PTPRD: variants seen among roughly 807,000 people sequenced by gnomAD.
The protein encoded by PTPRD is protein tyrosine phosphatase receptor type D, also known as receptor-type tyrosine-protein phosphatase delta.
A neutral mutation model predicts 214.5 loss-of-function variants in PTPRD; 34 were observed. The ratio of observed to expected loss-of-function variants is 0.16; its 90% confidence interval spans 0.12 to 0.21. PTPRD has a LOEUF of 0.21. Ranked by LOEUF, PTPRD falls within the 10% of genes least tolerant of loss-of-function variation. The probability of loss-of-function intolerance (pLI) is 1.00; values close to 1 mark genes in which losing one functional copy is unlikely to be tolerated. For synonymous variants in PTPRD, 1,128 were observed against 845.7 expected (o/e 1.33, Z -5.79); for missense variants, 2,545 against 2,398.7 (o/e 1.06, Z -1.27).
chr9:8,343,160 A>C (rs1854149943), intron 39 of PTPRD, among the ~76,000 whole-genome samples: 1 of 151,890 alleles, frequency 6.6e-6, no homozygotes, highest in South Asian at 2.1e-4. Flanking sequence ...TTTTTTTTTT[A>C]AACAAAATAA....
At chr9:9,730,455 C>A (rs772950681) in intron 7 of PTPRD, among the ~76,000 whole-genome samples, 1 of 152,062 alleles carries the variant, frequency 6.6e-6, no homozygotes, top group Non-Finnish European at 1.5e-5. Flanking sequence ...TATGTATACA[C>A]AGATCCAAAA....
At chr9:8,578,495 G>A (rs1418264718) in intron 14 of PTPRD, among the ~76,000 whole-genome samples, 1 of 152,094 alleles carries the variant, frequency 6.6e-6, no homozygotes, top group Non-Finnish European at 1.5e-5. Context: ...GCAAACACGT[G>A]AAACAAAAAC....
intron 3 of PTPRD, among the ~76,000 whole-genome samples, chr9:10,103,881 A>G (rs1172038816): frequency 6.6e-6 from 1 of 151,768 alleles, no homozygotes; most frequent in Non-Finnish European, 1.5e-5. Flanking sequence ...CATTCTTCAC[A>G]ATAGCCAAGA....
rs543737300 is a variant in PTPRD, at chr9:9,096,929, G to T, written c.-142-78194C>A. Among the ~76,000 whole-genome samples the T allele has an allele frequency of 6.6e-5, 10 of 152,250 alleles. No homozygotes were observed. The East Asian group carries it at 1.5e-3, about 24-fold the overall frequency. On this transcript the variant is annotated intron_variant, in intron 10 of 45. Coordinates refer to ENST00000381196, the MANE Select transcript of PTPRD (RefSeq NM_002839.4). ...CACCAAGGACCTCCCAAATGCTGAAGTCACTGCTTTTATCTCCCCTACCCC... is the reference window on the plus strand; with the variant it reads ...CACCAAGGACCTCCCAAATGCTGAATTCACTGCTTTTATCTCCCCTACCCC...
chr9:9,712,701 T>C (rs974332189), intron 7 of PTPRD, among the ~76,000 whole-genome samples: 2 of 152,212 alleles, frequency 1.3e-5, no homozygotes, highest in Non-Finnish European at 2.9e-5. Context: ...AAAGTTCTCT[T>C]AGTTTATCCA....
At chr9:8,606,999 A>T (rs995648385) in intron 14 of PTPRD, among the ~76,000 whole-genome samples, 5 of 152,188 alleles carry the variant, frequency 3.3e-5, no homozygotes, top group African/African-American at 1.2e-4. Context: ...GCAGACACAT[A>T]AATCAATGGT....
intron 3 of PTPRD, among the ~76,000 whole-genome samples, chr9:10,181,760 C>CT (rs779081915): frequency 6.7e-6 from 1 of 150,094 alleles, no homozygotes; most frequent in African/African-American, 2.4e-5. Context: ...AAAATTTTCT[C>CT]ATTACATGGA....
chr9:8,652,548 C>G (rs372849671), intron 12 of PTPRD, among the ~76,000 whole-genome samples: 1 of 152,194 alleles, frequency 6.6e-6, no homozygotes, highest in South Asian at 2.1e-4. Flanking sequence ...GCTGCACTGA[C>G]CAGGTTATGC....
chr9:8,954,131 A>T (rs187116274), intron 11 of PTPRD, among the ~76,000 whole-genome samples: 1 of 152,058 alleles, frequency 6.6e-6, no homozygotes, highest in African/African-American at 2.4e-5. Context: ...AAGAAAATGC[A>T]GTACATATAT....
intron 32 of PTPRD, 100 bp from the exon 33 acceptor site, chr9:8,460,671 T>A: frequency 8.4e-7 from 1 of 1,192,394 alleles, no homozygotes; most frequent in Non-Finnish European, 1.2e-6. Context: ...ATAGTGGATT[T>A]AATGATAAGT....
intron 2 of PTPRD, among the ~76,000 whole-genome samples, chr9:10,358,178 G>C (rs894180427): frequency 6.6e-6 from 1 of 151,978 alleles, no homozygotes. Flanking sequence ...ATGTATCTAT[G>C]AAAAATAGCA....
intron 11 of PTPRD, among the ~76,000 whole-genome samples, chr9:8,819,454 G>A (rs1836227): frequency 6.6e-6 from 1 of 151,852 alleles, no homozygotes; most frequent in Non-Finnish European, 1.5e-5. Context: ...CCTGAGGTCA[G>A]GATTCAAGAT....
chr9:9,484,850 T>C (rs1175430008), intron 8 of PTPRD, among the ~76,000 whole-genome samples: 2 of 152,174 alleles, frequency 1.3e-5, no homozygotes, highest in South Asian at 4.1e-4. Flanking sequence ...CCGGTTTTTA[T>C]TTTGTAGAGA....
intron 8 of PTPRD, among the ~76,000 whole-genome samples, chr9:9,494,217 A>T (rs926771533): frequency 1.3e-5 from 2 of 152,234 alleles, no homozygotes; most frequent in African/African-American, 4.8e-5. Flanking sequence ...TTCTTGGAAC[A>T]AGCTGTGAAT....
chr9:8,837,496 T>TTTTTG (rs71317377), intron 11 of PTPRD, among the ~76,000 whole-genome samples: 35,036 of 151,068 alleles, frequency 0.23, 5,002 homozygotes, highest in African/African-American at 0.4. Context: ...TCTCTTCCTT[T>TTTTTG]TTTTGTTTTG....
At chr9:9,701,847 G>A (rs1219854883) in intron 7 of PTPRD, among the ~76,000 whole-genome samples, 1 of 152,084 alleles carries the variant, frequency 6.6e-6, no homozygotes, top group Non-Finnish European at 1.5e-5. Flanking sequence ...GGCCAGGTGT[G>A]GTGGCTCACT....
intron 2 of PTPRD, among the ~76,000 whole-genome samples, chr9:10,344,513 G>A (rs912086876): frequency 2.0e-5 from 3 of 152,100 alleles, no homozygotes; most frequent in Non-Finnish European, 4.4e-5. Flanking sequence ...GGCAATGTAG[G>A]CTCTTTTTTG....
intron 4 of PTPRD, among the ~76,000 whole-genome samples, chr9:9,953,404 C>G (rs558089896): frequency 6.6e-6 from 1 of 151,870 alleles, no homozygotes; most frequent in Non-Finnish European, 1.5e-5. Context: ...GAATTCAACA[C>G]TATAGAATTC....
chr9:9,149,916 T>G (rs746765108), intron 10 of PTPRD, among the ~76,000 whole-genome samples: 3 of 152,182 alleles, frequency 2.0e-5, no homozygotes, highest in Non-Finnish European at 4.4e-5. Context: ...ACCTGAGGAC[T>G]TAGAGCTTAG....
Sources: allele counts gnomAD v4.1 joint callset (sites outside exome capture counted in the v4.1 genomes callset), GRCh38; gene constraint gnomAD v4.1.1; transcripts MANE v1.5; gene names NCBI Gene and HGNC (gene_info 2026-07-23, HGNC 2026-07-21).